The following EVI5 variants were observed in gnomAD, a reference collection of about 807,000 sequenced individuals.
EVI5 encodes ecotropic viral integration site 5 protein homolog.
Under a neutral mutation model 112.0 loss-of-function variants are expected in EVI5, and 73 were observed. The observed-to-expected ratio is 0.65, with a 90% CI of 0.54 to 0.79. The LOEUF is 0.79. Ranked by LOEUF, EVI5 falls within the 30% of genes least tolerant of loss-of-function variation. EVI5 has a pLI of 0.00. For missense variants in EVI5, 900 were observed against 968.8 expected, an observed-to-expected ratio of 0.93 and a Z score of 0.94; for synonymous variants, 305 against 319.9, an observed-to-expected ratio of 0.95 and a Z score of 0.50.
chr1:92,631,441 A>C (rs1657079614), intron 14 of EVI5, among the ~76,000 whole-genome samples: 1 of 152,222 alleles, frequency 6.6e-6, no homozygotes, highest in African/African-American at 2.4e-5. Context: ...TCTTTGAAGC[A>C]ATTGTGAATG....
At chr1:92,645,823 G>C (rs1048468111) in intron 13 of EVI5, among the ~76,000 whole-genome samples, 4 of 152,070 alleles carry the variant, frequency 2.6e-5, no homozygotes, top group Admixed American at 6.6e-5. Flanking sequence ...TTGCCTTTGG[G>C]CTACAGGTCA....
chr1:92,537,949 A>G (rs2101919906), intron 19 of EVI5, among the ~76,000 whole-genome samples: 1 of 152,284 alleles, frequency 6.6e-6, no homozygotes, highest in African/African-American at 2.4e-5. Flanking sequence ...GCAATAGTTA[A>G]AGCTGACGTT....
rs72726405 is a variant in EVI5, at chr1:92,749,506, A to G, written c.-81-12879T>C. Reference sequence around the variant, plus strand: ...AGGAGAGACTGCCTTGAATACCTCTATATCCCCAGTATCAAAGACCTTGTC... The same window carrying G: ...AGGAGAGACTGCCTTGAATACCTCTGTATCCCCAGTATCAAAGACCTTGTC... On this transcript the variant is annotated intron_variant, in intron 1 of 19. Coordinates refer to ENST00000684568, the MANE Select transcript of EVI5 (RefSeq NM_001350197.2). 2.2e-3 allele frequency among the ~76,000 whole-genome samples: 332 copies of G among 152,224 alleles called. 2 individuals are homozygous for G. Among genetic ancestry groups the G allele is most frequent in the Admixed American group, 4.6e-3 (71 of 15,284 alleles).
chr1:92,647,095 CTTT>C (rs1384108181), intron 13 of EVI5: 5 of 183,814 alleles, frequency 2.7e-5, no homozygotes, highest in South Asian at 1.2e-4. Context: ...CTCACATCTT[CTTT>C]GACTACTTCT....
intron 1 of EVI5, among the ~76,000 whole-genome samples, chr1:92,764,026 A>T (rs890192337): frequency 1.3e-5 from 2 of 151,772 alleles, no homozygotes; most frequent in East Asian, 1.9e-4. Flanking sequence ...GCTTAAGTTT[A>T]AAAAAAAATC....
intron 13 of EVI5, 112 bp from the exon 14 acceptor site, chr1:92,636,448 G>T (rs1658852353): frequency 1.2e-6 from 1 of 833,272 alleles, no homozygotes; most frequent in Non-Finnish European, 1.8e-6. Flanking sequence ...AACTAAATAG[G>T]AGAAGTTCCA....
chr1:92,575,014 A>C (rs1445647709), intron 18 of EVI5, among the ~76,000 whole-genome samples: 1 of 152,188 alleles, frequency 6.6e-6, no homozygotes, highest in Non-Finnish European at 1.5e-5. Context: ...GTTAACACCT[A>C]GTTAGTGTAT....
At chr1:92,735,400 T>C (rs1311943701) in intron 2 of EVI5, among the ~76,000 whole-genome samples, 1 of 152,034 alleles carries the variant, frequency 6.6e-6, no homozygotes, top group Non-Finnish European at 1.5e-5. Flanking sequence ...GTTCATTTTC[T>C]TGATTTTGGC....
At chr1:92,534,228 G>A (rs1056264861) in intron 19 of EVI5, among the ~76,000 whole-genome samples, 1 of 152,186 alleles carries the variant, frequency 6.6e-6, no homozygotes, top group Non-Finnish European at 1.5e-5. Context: ...TACAAGGGAT[G>A]TGAAGGACCT....
intron 9 of EVI5, among the ~76,000 whole-genome samples, chr1:92,678,625 T>C (rs572879510): frequency 6.6e-6 from 1 of 152,226 alleles, no homozygotes; most frequent in South Asian, 2.1e-4. Context: ...GTAAGCACGA[T>C]ATGCAACTCT....
chr1:92,632,273 T>A (rs1016763661), intron 14 of EVI5, among the ~76,000 whole-genome samples: 1 of 152,238 alleles, frequency 6.6e-6, no homozygotes, highest in African/African-American at 2.4e-5. Context: ...CTCCTCCTTG[T>A]ACCTCTGGTA....
At chr1:92,744,134 T>C (rs1314155486) in intron 1 of EVI5, among the ~76,000 whole-genome samples, 2 of 152,212 alleles carry the variant, frequency 1.3e-5, no homozygotes, top group Non-Finnish European at 2.9e-5. Context: ...TTTCTAACTA[T>C]ACAACACAAG....
intron 16 of EVI5, among the ~76,000 whole-genome samples, chr1:92,620,312 C>T (rs940670481): frequency 1.3e-5 from 2 of 148,948 alleles, no homozygotes; most frequent in African/African-American, 5.0e-5. Context: ...CACCATTGCA[C>T]TCCAGCCTGG....
chr1:92,600,095 C>CA (rs1437332396), intron 18 of EVI5, among the ~76,000 whole-genome samples: 2 of 151,976 alleles, frequency 1.3e-5, no homozygotes, highest in Non-Finnish European at 2.9e-5. Context: ...ATTATAGACT[C>CA]AAAAAAGTTT....
intron 14 of EVI5, among the ~76,000 whole-genome samples, chr1:92,632,450 T>G (rs181444828): frequency 1.7e-3 from 264 of 152,356 alleles, no homozygotes; most frequent in African/African-American, 6.1e-3. Flanking sequence ...TACTTCCAGA[T>G]TTTCTAATTT....
intron 3 of EVI5, chr1:92,703,884 A>C (rs1015375059): frequency 4.1e-6 from 1 of 242,574 alleles, no homozygotes; most frequent in African/African-American, 2.8e-5. Context: ...AAACCTGCAG[A>C]GCTGTGAATG....
At chr1:92,640,624 G>A (rs561760653) in intron 13 of EVI5, among the ~76,000 whole-genome samples, 44 of 152,172 alleles carry the variant, frequency 2.9e-4, no homozygotes, top group African/African-American at 5.3e-4. Flanking sequence ...GTGAGGCTGC[G>A]GACAGATAGG....
At chr1:92,768,401 A>T (rs1438753825) in intron 1 of EVI5, among the ~76,000 whole-genome samples, 2 of 152,142 alleles carry the variant, frequency 1.3e-5, no homozygotes, top group African/African-American at 4.8e-5. Flanking sequence ...TACATACTCA[A>T]CTCCAACACA....
intron 10 of EVI5, 82 bp from the exon 11 acceptor site, chr1:92,666,074 TC>T: frequency 1.2e-6 from 1 of 828,432 alleles, no homozygotes; most frequent in Non-Finnish European, 2.0e-6. Flanking sequence ...TGAAAATGTA[TC>T]ACCTTTTATA....
Sources: allele counts gnomAD v4.1 joint callset (sites outside exome capture counted in the v4.1 genomes callset), GRCh38; gene constraint gnomAD v4.1.1; transcripts MANE v1.5; gene names NCBI Gene and HGNC (gene_info 2026-07-23, HGNC 2026-07-21).